The following PCDHGB4 variants were observed in gnomAD, a reference collection of about 807,000 sequenced individuals.
PCDHGB4 encodes protocadherin gamma-B4.
A neutral mutation model predicts 60.5 loss-of-function variants in PCDHGB4; 38 were observed. The ratio of observed to expected loss-of-function variants is 0.63; its 90% CI spans 0.48 to 0.82. The LOEUF is 0.82. Ranked by LOEUF, PCDHGB4 falls within the 40% of genes least tolerant of loss-of-function variation. PCDHGB4 has a pLI of 0.00. For synonymous variants in PCDHGB4, 456 were observed against 509.7 expected, an observed-to-expected ratio of 0.89 and a Z score of 1.42; for missense variants, 1,109 against 1,209.6, an observed-to-expected ratio of 0.92 and a Z score of 1.23.
chr5:141,399,093 A>C, intron 1 of PCDHGB4: 1 of 1,613,820 alleles, frequency 6.2e-7, no homozygotes. Flanking sequence ...ATGGTGGTGG[A>C]CTGGTTGCAC....
chr5:141,408,404 G>C lies in PCDHGB4; in HGVS notation c.2397+18123G>C, dbSNP rs372659902. ...GGATGTGTCGGCTCGCAAGCTGCGAGTGAGCGCGGAGAAGCTGCACTTCAG... is the reference window on the plus strand; with the variant it reads ...GGATGTGTCGGCTCGCAAGCTGCGACTGAGCGCGGAGAAGCTGCACTTCAG... On this transcript the variant is annotated intron_variant, in intron 1 of 3. Transcript: ENST00000519479. 6.2e-4 allele frequency: 1,002 copies of C among 1,614,072 alleles called. 1 individual carries two copies. The highest frequency in any genetic ancestry group is 8.3e-4 in the Non-Finnish European group (980 of 1,179,896).
chr5:141,419,692 C>T (rs2096416788), intron 1 of PCDHGB4: 15 of 1,612,780 alleles, frequency 9.3e-6, no homozygotes, highest in Non-Finnish European at 1.3e-5. Context: ...TGGTGCAGGC[C>T]AGTGAGCCCG....
chr5:141,399,546 G>A, intron 1 of PCDHGB4: 1 of 1,614,032 alleles, frequency 6.2e-7, no homozygotes, highest in Non-Finnish European at 8.5e-7. Context: ...TCTGCGCCTC[G>A]GACCTGGACT....
chr5:141,481,183 G>A (rs2099533234), intron 1 of PCDHGB4, among the ~76,000 whole-genome samples: 1 of 152,146 alleles, frequency 6.6e-6, no homozygotes, highest in African/African-American at 2.4e-5. Flanking sequence ...GCTTTATTGG[G>A]CCAGGCCCAA....
intron 1 of PCDHGB4, among the ~76,000 whole-genome samples, chr5:141,439,391 G>A (rs880080): frequency 0.036 from 5,494 of 152,210 alleles, 123 homozygotes; most frequent in South Asian, 0.078. Context: ...TCATCACTTC[G>A]ACTTCATGTG....
intron 1 of PCDHGB4, chr5:141,415,794 A>G: frequency 1.5e-6 from 2 of 1,366,408 alleles, no homozygotes; most frequent in Non-Finnish European, 1.9e-6. Context: ...AAATTCACCT[A>G]GTCTCAATCA....
chr5:141,426,363 C>T (rs994657779), intron 1 of PCDHGB4: 12 of 202,404 alleles, frequency 5.9e-5, no homozygotes, highest in East Asian at 4.4e-4. Context: ...CTTTGTTCTG[C>T]GGGGCACCCT....
At position 141,512,523 on chromosome 5, in the gene PCDHGB4, T is replaced by A. The variant is rs1222752176; in HGVS notation, c.*1350T>A. 6.5e-6 allele frequency: 1 copy of A among 152,848 alleles called. No homozygotes were observed. The highest frequency in any genetic ancestry group is 1.5e-5 in the Non-Finnish European group (1 of 68,240). 9.5% of individuals were successfully genotyped at this position (152,848 alleles called of 1,614,324 possible). A position where few individuals can be genotyped will look rare whatever the true frequency, so the allele number is the denominator to read the frequency against. The stretch of plus-strand genomic sequence containing the variant: ...AGTGCGCCCCCTAGTGGCCATAGCC[T>A]GGTTAAAGTTCCCCAGTGCCTCCTT... On this transcript the variant is annotated 3_prime_UTR_variant, in exon 4 of 4. Transcript: ENST00000519479.
intron 1 of PCDHGB4, among the ~76,000 whole-genome samples, chr5:141,434,571 T>C (rs2154556263): frequency 6.6e-6 from 1 of 152,374 alleles, no homozygotes; most frequent in South Asian, 2.1e-4. Flanking sequence ...GACATGCCCC[T>C]GCTGCAGATA....
chr5:141,429,232 G>T (rs938585192), intron 1 of PCDHGB4: 2 of 151,668 alleles, frequency 1.3e-5, no homozygotes, highest in Non-Finnish European at 2.9e-5. Flanking sequence ...TTATGATACT[G>T]CTGTCATTGA....
chr5:141,433,361 ATCT>A, intron 1 of PCDHGB4: 2 of 297,578 alleles, frequency 6.7e-6, no homozygotes, highest in Non-Finnish European at 1.3e-5. Context: ...CTGTCTGCCT[ATCT>A]ATCTATCTAT....
At chr5:141,425,353 T>C (rs868017955) in intron 1 of PCDHGB4, among the ~76,000 whole-genome samples, 2 of 152,296 alleles carry the variant, frequency 1.3e-5, no homozygotes, top group Middle Eastern at 3.4e-3. Context: ...CTTTGAAATG[T>C]GATATTAAGA....
In PCDHGB4 at chr5:141,512,470, T is replaced by G. The variant is rs2099884244; in HGVS notation, c.*1297T>G. On this transcript the variant is annotated 3_prime_UTR_variant, in exon 4 of 4. Transcript: ENST00000519479. ...TTCACCTTGCCAGGTGCCGTTTCTC[T>G]TCCGTGAAGGCCACTGCCCAGGTCC... 6.5e-6 allele frequency: 1 copy of G among 152,892 alleles called. No individual in the cohort carries two copies. The highest frequency in any genetic ancestry group is 2.1e-4 in the South Asian group (1 of 4,834). 9.5% of individuals were successfully genotyped at this position (152,892 alleles called of 1,614,324 possible).
intron 1 of PCDHGB4, chr5:141,468,632 C>G (rs1385644482): frequency 6.6e-6 from 1 of 151,628 alleles, no homozygotes; most frequent in Non-Finnish European, 1.5e-5. Context: ...TTTGGGAGGC[C>G]GAGGTGGGCG....
At chr5:141,467,352 C>A (rs2099142466) in intron 1 of PCDHGB4, among the ~76,000 whole-genome samples, 1 of 152,140 alleles carries the variant, frequency 6.6e-6, no homozygotes, top group South Asian at 2.1e-4. Context: ...TGCCCCCGGC[C>A]AAATCAACGT....
intron 1 of PCDHGB4, chr5:141,422,273 C>T: frequency 6.4e-7 from 1 of 1,560,808 alleles, no homozygotes; most frequent in Non-Finnish European, 8.6e-7. Flanking sequence ...CCAGAAATAA[C>T]TATCACCTCT....
At chr5:141,391,248 A>G (rs1561633877) in intron 1 of PCDHGB4, 1 of 152,120 alleles carries the variant, frequency 6.6e-6, no homozygotes, top group Non-Finnish European at 1.5e-5. Context: ...TATCTAAGCA[A>G]CTGCTTCAGT....
intron 1 of PCDHGB4, among the ~76,000 whole-genome samples, chr5:141,460,981 G>A (rs35435563): frequency 1.6e-4 from 20 of 121,900 alleles, no homozygotes; most frequent in African/African-American, 3.7e-4. Context: ...GTGTGTGTGT[G>A]TGTATATATA....
chr5:141,432,084 T>A lies in PCDHGB4; in HGVS notation c.2397+41803T>A, dbSNP rs1372151428. 1.2e-6 allele frequency: 2 copies of A among 1,614,186 alleles called. No individual in the cohort carries two copies. Among genetic ancestry groups the A allele is most frequent in the Admixed American group, 1.7e-5 (1 of 60,022 alleles). On this transcript the variant is annotated intron_variant, in intron 1 of 3. Transcript: ENST00000519479. This position sits in a 1 kb window ranked among gnomAD's most constrained non-coding sequence, Gnocchi z 6.0. Reference sequence around the variant, plus strand: ...ACGGAAACTCATATCTCGCTGAACGTGGCAGACACCAACGACAACCCGCCG... The same window carrying A: ...ACGGAAACTCATATCTCGCTGAACGAGGCAGACACCAACGACAACCCGCCG...
Sources: allele counts gnomAD v4.1 joint callset (sites outside exome capture counted in the v4.1 genomes callset), GRCh38; gene constraint gnomAD v4.1.1; non-coding constraint Gnocchi (gnomAD v3.1); transcripts MANE v1.5; gene names NCBI Gene and HGNC (gene_info 2026-07-23, HGNC 2026-07-21).